The following ROCK2 variants were observed in gnomAD, a reference collection of about 807,000 sequenced individuals.
ROCK2 encodes the protein rho-associated protein kinase 2.
ROCK2 carries 61 observed loss-of-function variants against 195.1 expected under a neutral mutation model. The ratio of observed to expected loss-of-function variants is 0.31; its 90% CI spans 0.25 to 0.39. ROCK2 has a LOEUF of 0.39. ROCK2 is among the 10% of genes least tolerant of loss of function. The pLI, the probability that ROCK2 is intolerant of heterozygous loss-of-function variation, is 1.00. For synonymous variants in ROCK2, 504 were observed against 545.5 expected, an observed-to-expected ratio of 0.92 and a Z score of 1.06; for missense variants, 1,109 against 1,637.4, an observed-to-expected ratio of 0.68 and a Z score of 5.57.
intron 2 of ROCK2, among the ~76,000 whole-genome samples, 178 bp from the exon 3 acceptor site, chr2:11,286,817 T>C (rs1296499513): frequency 1.3e-5 from 2 of 152,242 alleles, no homozygotes. Context: ...ACCAAAACTC[T>C]CTATGGTTTA....
intron 1 of ROCK2, among the ~76,000 whole-genome samples, chr2:11,334,692 T>A (rs1197968049): frequency 7.1e-6 from 1 of 140,194 alleles, no homozygotes; most frequent in African/African-American, 2.4e-5. Context: ...AACACAATCA[T>A]GCAGGTAATT....
chr2:11,318,698 T>C (rs938353510), intron 1 of ROCK2, among the ~76,000 whole-genome samples: 1 of 152,218 alleles, frequency 6.6e-6, no homozygotes, highest in Non-Finnish European at 1.5e-5. Context: ...CTGAATGGTA[T>C]TGCCTAGGTT....
intron 3 of ROCK2, among the ~76,000 whole-genome samples, chr2:11,255,216 C>CAAAAAAAAAA (rs70953375): frequency 4.6e-5 from 5 of 109,176 alleles, no homozygotes; most frequent in African/African-American, 1.7e-4. Context: ...GACCCCATCT[C>CAAAAAAAAAA]AAAAAAAAAA....
intron 5 of ROCK2, among the ~76,000 whole-genome samples, chr2:11,228,428 C>T (rs956328147): frequency 2.6e-5 from 4 of 152,032 alleles, no homozygotes; most frequent in African/African-American, 9.7e-5. Context: ...TTTATTTTCC[C>T]ACATATATAG....
intron 1 of ROCK2, chr2:11,308,448 G>A: frequency 6.2e-7 from 1 of 1,606,744 alleles, no homozygotes; most frequent in South Asian, 1.1e-5. Context: ...GCTGGAGCAG[G>A]GTCTCCTGAT....
At chr2:11,193,376 C>T (rs1663505439) in intron 30 of ROCK2, among the ~76,000 whole-genome samples, 1 of 151,958 alleles carries the variant, frequency 6.6e-6, no homozygotes, top group Admixed American at 6.6e-5. Context: ...CACTTTAAAT[C>T]GGAGGTAAAA....
intron 3 of ROCK2, among the ~76,000 whole-genome samples, chr2:11,254,169 C>T (rs911798882): frequency 3.9e-5 from 6 of 152,164 alleles, no homozygotes; most frequent in Non-Finnish European, 5.9e-5. Flanking sequence ...AGCTAGCCCT[C>T]CCATTGTAAA....
chr2:11,295,975 A>AG (rs1667503647), intron 1 of ROCK2, among the ~76,000 whole-genome samples: 1 of 71,878 alleles, frequency 1.4e-5, no homozygotes, highest in Non-Finnish European at 3.1e-5. Flanking sequence ...AAAGAGAGAG[A>AG]GAGAGAGAGA....
At chr2:11,317,576 T>TATATATA (rs1668236906) in intron 1 of ROCK2, among the ~76,000 whole-genome samples, 2 of 29,584 alleles carry the variant, frequency 6.8e-5, no homozygotes, top group Non-Finnish European at 1.1e-4. Context: ...ATCTACACAT[T>TATATATA]TATATATATA....
intron 1 of ROCK2, among the ~76,000 whole-genome samples, chr2:11,322,148 C>T (rs1668418918): frequency 6.6e-6 from 1 of 152,090 alleles, no homozygotes; most frequent in African/African-American, 2.4e-5. Context: ...CTGGGACTTC[C>T]AGGCTCCAGA....
At chr2:11,256,462 T>C (rs1373415582) in intron 3 of ROCK2, among the ~76,000 whole-genome samples, 1 of 151,462 alleles carries the variant, frequency 6.6e-6, no homozygotes, top group Non-Finnish European at 1.5e-5. Flanking sequence ...CCACGCTTCC[T>C]GTACGGCCTG....
At chr2:11,237,725 A>G (rs1178320323) in intron 4 of ROCK2, among the ~76,000 whole-genome samples, 2 of 152,238 alleles carry the variant, frequency 1.3e-5, no homozygotes, top group African/African-American at 4.8e-5. Flanking sequence ...TGACAAAATG[A>G]AATTTTATAA....
chr2:11,285,505 G>T (rs1250731853), intron 3 of ROCK2, among the ~76,000 whole-genome samples: 1 of 151,988 alleles, frequency 6.6e-6, no homozygotes, highest in Non-Finnish European at 1.5e-5. Flanking sequence ...TACATAAATT[G>T]CACTACCCTG....
intron 1 of ROCK2, among the ~76,000 whole-genome samples, chr2:11,310,229 T>C (rs183632576): frequency 3.3e-4 from 50 of 152,322 alleles, no homozygotes; most frequent in African/African-American, 1.2e-3. Flanking sequence ...GGAAGTAGCT[T>C]GACTGCATTT....
chr2:11,238,859 A>T (rs1665321885), intron 4 of ROCK2, among the ~76,000 whole-genome samples: 1 of 152,200 alleles, frequency 6.6e-6, no homozygotes, highest in Admixed American at 6.5e-5. Flanking sequence ...GCATATGAAA[A>T]GATACATAGA....
intron 3 of ROCK2, among the ~76,000 whole-genome samples, chr2:11,272,682 C>T (rs550290745): frequency 1.8e-4 from 28 of 151,962 alleles, no homozygotes; most frequent in African/African-American, 6.3e-4. Flanking sequence ...GAGTTTGAGA[C>T]CAGCCTTGCC....
At chr2:11,238,230 G>GTGTGTGTGTGTA (rs1665289234) in intron 4 of ROCK2, among the ~76,000 whole-genome samples, 1 of 151,094 alleles carries the variant, frequency 6.6e-6, no homozygotes, top group South Asian at 2.1e-4. Context: ...GTGTGTGTGT[G>GTGTGTGTGTGTA]TGTGTGTGTG....
chr2:11,333,374 A>G (rs1213354488), intron 1 of ROCK2, among the ~76,000 whole-genome samples: 1 of 152,214 alleles, frequency 6.6e-6, no homozygotes, highest in Non-Finnish European at 1.5e-5. Context: ...GCTTATTACA[A>G]GTAAGATACT....
chr2:11,203,890 T>TA (rs1663954588), intron 20 of ROCK2, among the ~76,000 whole-genome samples: 1 of 152,214 alleles, frequency 6.6e-6, no homozygotes, highest in Non-Finnish European at 1.5e-5. Context: ...AACCACAGTA[T>TA]AATTTTAACA....
Sources: gnomAD v4.1 joint callset for allele counts (sites outside exome capture counted in the v4.1 genomes callset) on GRCh38, gnomAD v4.1.1 for gene constraint, MANE v1.5 for transcripts, NCBI Gene and HGNC (gene_info 2026-07-23, HGNC 2026-07-21) for gene names.